The following POLR3E variants were observed in gnomAD, a reference collection of about 807,000 sequenced individuals.
The protein encoded by POLR3E is RNA polymerase III subunit E.
In POLR3E, 41 loss-of-function variants were observed where a neutral mutation model predicts 96.6. That is an observed-to-expected ratio of 0.42 (90% CI 0.33 to 0.55). The LOEUF (loss-of-function observed/expected upper bound fraction) is 0.55. Ranked by LOEUF, POLR3E falls within the 20% of genes least tolerant of loss-of-function variation. The pLI is 0.06. For missense variants in POLR3E, 849 were observed against 952.1 expected (o/e 0.89, Z 1.43); for synonymous variants, 396 against 383.6 (o/e 1.03, Z -0.38).
intron 9 of POLR3E, among the ~76,000 whole-genome samples, chr16:22,315,576 C>T (rs868542316): frequency 1.3e-5 from 2 of 152,168 alleles, no homozygotes; most frequent in South Asian, 4.1e-4. Flanking sequence ...TGTGTTGCCA[C>T]CCCAGAGTTC....
intron 6 of POLR3E, among the ~76,000 whole-genome samples, chr16:22,312,607 C>G: frequency 6.6e-6 from 1 of 152,112 alleles, no homozygotes. Flanking sequence ...TGGCTCATAC[C>G]TGTAATCCCA....
chr16:22,331,856 CT>C lies in POLR3E; in HGVS notation c.1945-201del, dbSNP rs539430114. On this transcript the variant is annotated intron_variant, in intron 19 of 20. Transcript: ENST00000299853. ...AAGTTTCCAGACATAGCATTAATGC[CT>C]TTACTTTTGTGTTTTTATTTCTGTA... 2.7e-4 allele frequency: 134 copies of C among 505,488 alleles called. 3 individuals are homozygous for C. The highest frequency in any genetic ancestry group is 1.9e-3 in the South Asian group (81 of 41,578). 31.3% of individuals were successfully genotyped at this position (505,488 alleles called of 1,614,324 possible). A position where few individuals can be genotyped will look rare whatever the true frequency, so the allele number is the denominator to read the frequency against.
At chr16:22,298,556 G>A (rs889410114) in intron 1 of POLR3E, among the ~76,000 whole-genome samples, 3 of 152,176 alleles carry the variant, frequency 2.0e-5, no homozygotes, top group African/African-American at 7.2e-5. Context: ...AGCAGCTGTG[G>A]TGGGATTTGA....
rs184131568 is a variant in POLR3E, at chr16:22,319,254, T to C, written c.986+308T>C. 8.5e-5 allele frequency among the ~76,000 whole-genome samples: 13 copies of C among 152,118 alleles called. No individual in the cohort carries two copies. In the East Asian group the frequency reaches 2.5e-3, roughly 30 times the overall value. Reference sequence around the variant, plus strand: ...TCCCAATGTGTTAGGATTATAGGCGTGAGCCACCGGGCCCGGCCTACGCTG... The same window carrying C: ...TCCCAATGTGTTAGGATTATAGGCGCGAGCCACCGGGCCCGGCCTACGCTG... On this transcript the variant is annotated intron_variant, in intron 13 of 20. Coordinates refer to ENST00000299853, the MANE Select transcript of POLR3E (RefSeq NM_018119.4).
At chr16:22,325,069 C>T (rs900908687) in intron 16 of POLR3E, 136 bp from the exon 17 acceptor site, 3 of 745,568 alleles carry the variant, frequency 4.0e-6, no homozygotes, top group African/African-American at 3.4e-5. Context: ...AAGAGGGACT[C>T]AGTAGGGCTG....
intron 3 of POLR3E, among the ~76,000 whole-genome samples, 177 bp from the exon 4 acceptor site, chr16:22,307,971 C>A (rs1016859008): frequency 6.6e-6 from 1 of 152,080 alleles, no homozygotes; most frequent in Non-Finnish European, 1.5e-5. Flanking sequence ...AATAGGGCTG[C>A]GGGTGGAGAC....
rs781521708 is a variant in POLR3E at position 22,322,424 on chromosome 16, C to T, written c.987-426C>T. The stretch of plus-strand genomic sequence containing the variant: ...TGCCTCTGACCTCGGTTCATGCCCA[C>T]CTGCCCCTTTCAGCAGGTGGCCAAG... On this transcript the variant is annotated intron_variant, in intron 13 of 20. Coordinates refer to ENST00000299853, the MANE Select transcript of POLR3E (RefSeq NM_018119.4). This position sits in a 1 kb window ranked among gnomAD's most constrained non-coding sequence, Gnocchi z 5.2. Among the ~76,000 whole-genome samples the T allele has an allele frequency of 2.0e-5, 3 of 152,174 alleles. No individual in the cohort carries two copies. The highest frequency in any genetic ancestry group is 6.5e-5 in the Admixed American group (1 of 15,278).
intron 6 of POLR3E, 62 bp downstream of exon 6, chr16:22,309,572 G>A: frequency 8.7e-7 from 1 of 1,152,056 alleles, no homozygotes; most frequent in Non-Finnish European, 1.3e-6. Flanking sequence ...GGCAGGGAGA[G>A]TACCTCCCCA....
Position 22,318,946 on chromosome 16 carries a change from G to C in POLR3E, c.986G>C (p.Ser329Thr). ...GTCCAAGGGAACTGGGTGGTGAAGA[G>C]GTAAGTTGCTTTTTTTATTTTTTAT... ...MLVQGNWVVKSDILYPKDSSS... is the reference protein window; with the variant it reads ...MLVQGNWVVKTDILYPKDSSS... Residue 329 changes from serine (S) to threonine (T), a missense_variant and splice_region_variant, in exon 13 of 21, where the codon AGT becomes ACT. Coordinates refer to ENST00000299853, the MANE Select transcript of POLR3E (RefSeq NM_018119.4). The surrounding 1 kb of genome is among the most constrained non-coding windows in gnomAD (Gnocchi z 5.0). 6.3e-7 allele frequency: 1 copy of C among 1,580,542 alleles called. No homozygotes were observed. Among genetic ancestry groups the C allele is most frequent in the Non-Finnish European group, 8.6e-7 (1 of 1,168,952 alleles).
intron 6 of POLR3E, chr16:22,310,061 G>A (rs901837523): frequency 2.5e-5 from 4 of 158,088 alleles, no homozygotes; most frequent in Non-Finnish European, 5.6e-5. Context: ...ACGCAGATGA[G>A]CCTTGAGAAC....
chr16:22,319,347 C>G (rs1025284545), intron 13 of POLR3E, among the ~76,000 whole-genome samples: 15 of 151,990 alleles, frequency 9.9e-5, no homozygotes, highest in Non-Finnish European at 1.5e-4. Context: ...GGGTTTAAAT[C>G]TACAGTGCTT....
At chr16:22,300,786 C>T (rs767566984) in intron 1 of POLR3E, among the ~76,000 whole-genome samples, 1 of 152,220 alleles carries the variant, frequency 6.6e-6, no homozygotes. Flanking sequence ...CGCTCCATGT[C>T]TTCCTCTGCC....
At chr16:22,312,682 T>C (rs2048270815) in intron 6 of POLR3E, among the ~76,000 whole-genome samples, 1 of 151,808 alleles carries the variant, frequency 6.6e-6, no homozygotes, top group African/African-American at 2.4e-5. Context: ...CTGGCCAACA[T>C]GGTGAAACAC....
At position 22,333,654 on chromosome 16, in the gene POLR3E, T is replaced by A; in HGVS notation, c.2081T>A (p.Val694Glu). The change falls in exon 21 of 21, where the codon GTA (valine) becomes GAA (glutamate). Residue 694 changes from valine (V) to glutamate (E), a missense_variant. Val to Glu is a moderately radical substitution (Grantham distance 121, BLOSUM62 -2). Transcript: ENST00000299853. ...GTTTCTCTCTCATAGGACTGCTGTG[T>A]AAGCTATGGTGGCATGTGGTACCTT... is the stretch of plus-strand genomic sequence containing the variant. ...EVDKVLKDCC[V>E]SYGGMWYLKG... 1 of 1,611,462 alleles carries A rather than the reference T, an allele frequency of 6.2e-7. No individual in the cohort carries two copies. The highest frequency in any genetic ancestry group is 8.5e-7 in the Non-Finnish European group (1 of 1,177,526).
chr16:22,326,066 G>A lies in POLR3E; in HGVS notation c.1654G>A (p.Gly552Ser). 1 of 1,611,828 alleles carries A rather than the reference G, an allele frequency of 6.2e-7. No homozygotes were observed. Among genetic ancestry groups the A allele is most frequent in the Non-Finnish European group, 8.5e-7 (1 of 1,178,700 alleles). Residue 552 changes from glycine to serine, a missense_variant, in exon 18 of 21, where the codon GGC becomes AGC. Coordinates refer to ENST00000299853, the MANE Select transcript of POLR3E (RefSeq NM_018119.4). ...CAGCTTCAACGGGCACCCGCCCCAGGGCTGCGCCAGCACCCCTGTGGCTCG... is the reference window on the plus strand; with the variant it reads ...CAGCTTCAACGGGCACCCGCCCCAGAGCTGCGCCAGCACCCCTGTGGCTCG... ...TDSFNGHPPQ[G>S]CASTPVAREL...
chr16:22,309,412 T>C lies in POLR3E; in HGVS notation c.282-16T>C. On this transcript the variant is annotated splice_polypyrimidine_tract_variant and intron_variant, in intron 5 of 20. Coordinates refer to ENST00000299853, the MANE Select transcript of POLR3E (RefSeq NM_018119.4). ...AGCTGCCTTCCCCTGTGACGTTGCT[T>C]CTCCCTGTGCTCCAGGAAGCTGATG... is the stretch of plus-strand genomic sequence containing the variant. The C allele has an allele frequency of 6.2e-7, 1 of 1,603,994 alleles. No individual in the cohort carries two copies. Among genetic ancestry groups the C allele is most frequent in the Non-Finnish European group, 8.5e-7 (1 of 1,171,410 alleles).
Position 22,324,724 on chromosome 16 carries a change from A to AC in POLR3E, c.1286+65dup, listed in dbSNP as rs1431482089. Reference sequence around the variant, plus strand: ...CCAGCAACCCTGCATCCTGGGGAGCACTGTCAGGGTGGATCCGAGCAATCT... The same window carrying AC: ...CCAGCAACCCTGCATCCTGGGGAGCACCTGTCAGGGTGGATCCGAGCAATCT... On this transcript the variant is annotated intron_variant, in intron 16 of 20. Coordinates refer to ENST00000299853, the MANE Select transcript of POLR3E (RefSeq NM_018119.4). 6.2e-5 allele frequency: 95 copies of AC among 1,543,136 alleles called. No homozygotes were observed. In the East Asian group the frequency reaches 9.2e-4, roughly 15 times the overall value.
chr16:22,330,887 T>C (rs1244943696), intron 19 of POLR3E, among the ~76,000 whole-genome samples: 2 of 150,654 alleles, frequency 1.3e-5, no homozygotes, highest in East Asian at 1.9e-4. Flanking sequence ...CAGCTAAGTA[T>C]GGAACAATGT....
chr16:22,328,178 T>C (rs1435714878), intron 18 of POLR3E: 2 of 243,392 alleles, frequency 8.2e-6, no homozygotes, highest in Non-Finnish European at 1.6e-5. Flanking sequence ...CACAGTTGAG[T>C]TGGTGCCAGG....
Sources: gnomAD v4.1 joint callset for allele counts (sites outside exome capture counted in the v4.1 genomes callset) on GRCh38, gnomAD v4.1.1 for gene constraint, Gnocchi (gnomAD v3.1) non-coding constraint, MANE v1.5 for transcripts, NCBI Gene and HGNC (gene_info 2026-07-23, HGNC 2026-07-21) for gene names.